Variants in HOXC11 observed in about 807,000 individuals in gnomAD.
HOXC11 encodes the protein homeobox C11.
Under a neutral mutation model 23.6 loss-of-function variants are expected in HOXC11, and 17 were observed. The ratio of observed to expected loss-of-function variants is 0.72; its 90% CI spans 0.49 to 1.08. HOXC11 has a LOEUF of 1.08. Ranked by LOEUF, HOXC11 falls within the 50% of genes least tolerant of loss-of-function variation. HOXC11 has a pLI of 0.00. For missense variants in HOXC11, 413 were observed against 412.1 expected, an observed-to-expected ratio of 1.00 and a Z score of -0.02; for synonymous variants, 196 against 183.8, an observed-to-expected ratio of 1.07 and a Z score of -0.54.
rs1209564122 is a variant in HOXC11, at chr12:53,973,808, G to C, written c.567G>C (p.Leu189=). Residue 189 remains leucine, a synonymous_variant, in exon 1 of 2, where the codon CTG becomes CTC. Coordinates refer to ENST00000546378, the MANE Select transcript of HOXC11 (RefSeq NM_014212.4). This position sits in a 1 kb window ranked among gnomAD's most constrained non-coding sequence, Gnocchi z 4.3. ...GEPEAPPASG[L]ASRAEAGAEA... is the part of the protein sequence containing the mutation. ...CCGAGGCACCCCCGGCCTCGGGACT[G>C]GCGTCCCGGGCTGAGGCGGGTGCCG... The C allele has an allele frequency of 1.3e-5, 21 of 1,559,546 alleles. No individual in the cohort carries two copies. Among genetic ancestry groups the C allele is most frequent in the Non-Finnish European group, 1.7e-5 (20 of 1,156,942 alleles).
rs369182704 is a variant in HOXC11, at chr12:53,975,265, A to T, written c.767A>T (p.Tyr256Phe). The T allele has an allele frequency of 1.2e-6, 2 of 1,613,146 alleles. No individual in the cohort carries two copies. Among genetic ancestry groups the T allele is most frequent in the African/African-American group, 1.3e-5 (1 of 74,800 alleles). ...ELEREFFFNV[Y>F]INKEKRLQLS... ...GAGCGAGAGTTTTTCTTCAACGTGTATATCAACAAAGAGAAGCGGCTGCAG... is the reference window on the plus strand; with the variant it reads ...GAGCGAGAGTTTTTCTTCAACGTGTTTATCAACAAAGAGAAGCGGCTGCAG... The change falls in exon 2 of 2, where the codon TAT (tyrosine) becomes TTT (phenylalanine). Residue 256 changes from tyrosine (Y) to phenylalanine (F), a missense_variant. Transcript: ENST00000546378.
In HOXC11 at chr12:53,973,698, C is replaced by A. The variant is rs1311222948; in HGVS notation, c.457C>A (p.Arg153Ser). Residue 153 changes from arginine (R) to serine (S), a missense_variant, in exon 1 of 2, where the codon CGT becomes AGT. Arg to Ser is a moderately radical substitution (Grantham distance 110). Coordinates refer to ENST00000546378, the MANE Select transcript of HOXC11 (RefSeq NM_014212.4). The surrounding 1 kb of genome is among the most constrained non-coding windows in gnomAD (Gnocchi z 4.3). The stretch of plus-strand genomic sequence containing the variant: ...CAGCGTCCTGCCTCAAGCCTTCGAC[C>A]GTTTCTTCGACAACGCCTACTGCGG... ...KNSVLPQAFD[R>S]FFDNAYCGGG... The A allele has an allele frequency of 9.3e-6, 15 of 1,613,686 alleles. No homozygotes were observed. Among genetic ancestry groups the A allele is most frequent in the South Asian group, 2.2e-5 (2 of 91,088 alleles).
chr12:53,975,583 C>G lies in HOXC11; in HGVS notation c.*170C>G. On this transcript the variant is annotated 3_prime_UTR_variant, in exon 2 of 2. Coordinates refer to ENST00000546378, the MANE Select transcript of HOXC11 (RefSeq NM_014212.4). Reference sequence around the variant, plus strand: ...TCCATTCCGGAACCTCCTGGACCCTCTATCTGACTCTCGCTGTGGGACAGG... The same window carrying G: ...TCCATTCCGGAACCTCCTGGACCCTGTATCTGACTCTCGCTGTGGGACAGG... 1.5e-6 allele frequency: 1 copy of G among 666,950 alleles called. No homozygotes were observed. Among genetic ancestry groups the G allele is most frequent in the Non-Finnish European group, 2.7e-6 (1 of 374,328 alleles). 41.3% of individuals were successfully genotyped at this position (666,950 alleles called of 1,614,324 possible).
intron 1 of HOXC11, 140 bp downstream of exon 1, chr12:53,974,063 A>T (rs992962178): frequency 3.1e-5 from 19 of 604,548 alleles, no homozygotes; most frequent in Non-Finnish European, 1.8e-5. Context: ...TTTTATAAGC[A>T]TTCAAAGGAT....
Position 53,975,740 on chromosome 12 carries a change from G to A in HOXC11, c.*327G>A, listed in dbSNP as rs561537771. On this transcript the variant is annotated 3_prime_UTR_variant, in exon 2 of 2. Transcript: ENST00000546378. The stretch of plus-strand genomic sequence containing the variant: ...CAATGTCTTGCTGCTCGGATTAGGT[G>A]GGGGAGGGGCGACAGTAGTGAGCGC... 64 of 534,016 alleles carry A rather than the reference G, an allele frequency of 1.2e-4. No individual in the cohort carries two copies. Among genetic ancestry groups the A allele is most frequent in the African/African-American group, 9.3e-4 (48 of 51,612 alleles). The allele number at this position is 534,016 out of a possible 1,614,324, so 33.1% of individuals were successfully genotyped here. A position where few individuals can be genotyped will look rare whatever the true frequency, so the allele number is the denominator to read the frequency against.
In HOXC11 at chr12:53,977,084, A is replaced by T. The variant is rs1371053990; in HGVS notation, c.*1671A>T. The stretch of plus-strand genomic sequence containing the variant: ...CTGATGTTTATACATTGGGTGTCCC[A>T]CAGTAGAAAGCCCCAGAGGTTTGTT... On this transcript the variant is annotated 3_prime_UTR_variant, in exon 2 of 2. Transcript: ENST00000546378. 6.6e-6 allele frequency: 1 copy of T among 152,202 alleles called. No individual in the cohort carries two copies. Among genetic ancestry groups the T allele is most frequent in the Non-Finnish European group, 1.5e-5 (1 of 68,036 alleles). The allele number at this position is 152,202 out of a possible 1,614,324, so 9.4% of individuals were successfully genotyped here. A position where few individuals can be genotyped will look rare whatever the true frequency, so the allele number is the denominator to read the frequency against.
Position 53,973,757 on chromosome 12 carries a change from C to T in HOXC11, c.516C>T (p.Ser172=). 7 of 1,612,322 alleles carry T rather than the reference C, an allele frequency of 4.3e-6. No homozygotes were observed. The highest frequency in any genetic ancestry group is 5.9e-6 in the Non-Finnish European group (7 of 1,179,528). Residue 172 remains serine, a synonymous_variant, in exon 1 of 2, where the codon TCC becomes TCT. Transcript: ENST00000546378. The surrounding 1 kb of genome is among the most constrained non-coding windows in gnomAD (Gnocchi z 4.3). ...GGDPPAEPPC[S]GKGEAKGEPE... Reference sequence around the variant, plus strand: ...ACCCGCCCGCCGAGCCCCCCTGCTCCGGCAAGGGCGAGGCCAAGGGGGAGC... The same window carrying T: ...ACCCGCCCGCCGAGCCCCCCTGCTCTGGCAAGGGCGAGGCCAAGGGGGAGC...
In HOXC11 at chr12:53,976,296, AC is replaced by A; in HGVS notation, c.*884del. 4.5e-6 allele frequency: 1 copy of A among 223,664 alleles called. No homozygotes were observed. The highest frequency in any genetic ancestry group is 6.5e-5 in the East Asian group (1 of 15,494). 13.9% of individuals were successfully genotyped at this position (223,664 alleles called of 1,614,324 possible). ...GGACGCCCCCAGTGAGATTCAAATC[AC>A]GCATCTCTACTCCTCTGCGTGAGTG... is the stretch of plus-strand genomic sequence containing the variant. On this transcript the variant is annotated 3_prime_UTR_variant, in exon 2 of 2. Transcript: ENST00000546378.
At chr12:53,974,018 C>T in intron 1 of HOXC11, 95 bp downstream of exon 1, 3 of 1,126,104 alleles carry the variant, frequency 2.7e-6, no homozygotes, top group Non-Finnish European at 3.6e-6. Context: ...GCGGGGACGG[C>T]CTCGTGTTTT....
intron 1 of HOXC11, 62 bp from the exon 2 acceptor site, chr12:53,975,119 G>T (rs893866769): frequency 1.4e-5 from 11 of 765,826 alleles, no homozygotes; most frequent in Non-Finnish European, 1.9e-5. Context: ...GGCTGGGGTC[G>T]CCCGGGTCTC....
In HOXC11 at chr12:53,976,119, C is replaced by T. The variant is rs1235990479; in HGVS notation, c.*706C>T. ...GATTTATAGCTATAGTCTATGCAGT[C>T]GTTACCTCTTTTTTTTTTTTTTTTA... On this transcript the variant is annotated 3_prime_UTR_variant, in exon 2 of 2. Coordinates refer to ENST00000546378, the MANE Select transcript of HOXC11 (RefSeq NM_014212.4). The T allele has an allele frequency of 5.1e-6, 1 of 195,012 alleles. No homozygotes were observed. The highest frequency in any genetic ancestry group is 9.6e-6 in the Non-Finnish European group (1 of 104,516). The allele number at this position is 195,012 out of a possible 1,614,324, so 12.1% of individuals were successfully genotyped here.
chr12:53,973,381 TCTC>T lies in HOXC11; in HGVS notation c.146_148del (p.Ser49del), dbSNP rs1592195788. The stretch of plus-strand genomic sequence containing the variant: ...TACTACATGCCCGAGTTCTCCACGG[TCTC>T]CTCCTTCCTGCCCCAGGCCCCCTCT... On this transcript the variant is annotated inframe_deletion, in exon 1 of 2. Coordinates refer to ENST00000546378, the MANE Select transcript of HOXC11 (RefSeq NM_014212.4). The surrounding 1 kb of genome is among the most constrained non-coding windows in gnomAD (Gnocchi z 4.3). 1.2e-6 allele frequency: 2 copies of T among 1,614,000 alleles called. No homozygotes were observed. The highest frequency in any genetic ancestry group is 1.7e-6 in the Non-Finnish European group (2 of 1,179,996).
At chr12:53,974,029 G>A in intron 1 of HOXC11, 106 bp downstream of exon 1, 1 of 906,570 alleles carries the variant, frequency 1.1e-6, no homozygotes, top group African/African-American at 1.7e-5. Context: ...CTCGTGTTTT[G>A]GGTCAGTCCG....
intron 1 of HOXC11, among the ~76,000 whole-genome samples, chr12:53,974,556 C>T (rs567906414): frequency 3.3e-5 from 5 of 152,232 alleles, no homozygotes; most frequent in South Asian, 4.1e-4. Flanking sequence ...GGCGAGGCGG[C>T]GCAGGACTCC....
rs567210111 is a variant in HOXC11 at position 53,976,266 on chromosome 12, G to A, written c.*853G>A. 7.2e-4 allele frequency: 158 copies of A among 220,604 alleles called. No homozygotes were observed. The highest frequency in any genetic ancestry group is 2.7e-3 in the African/African-American group (121 of 44,612). 13.7% of individuals were successfully genotyped at this position (220,604 alleles called of 1,614,324 possible). ...GCGTTTCTTTCCACCTGGAGGGAAAGGGGGGGACGCCCCCAGTGAGATTCA... is the reference window on the plus strand; with the variant it reads ...GCGTTTCTTTCCACCTGGAGGGAAAAGGGGGGACGCCCCCAGTGAGATTCA... On this transcript the variant is annotated 3_prime_UTR_variant, in exon 2 of 2. Coordinates refer to ENST00000546378, the MANE Select transcript of HOXC11 (RefSeq NM_014212.4).
intron 1 of HOXC11, 66 bp from the exon 2 acceptor site, chr12:53,975,115 G>A (rs1592196844): frequency 1.4e-6 from 1 of 739,300 alleles, no homozygotes; most frequent in East Asian, 2.6e-5. Flanking sequence ...AGCGGGCTGG[G>A]GTCGCCCGGG....
rs200921214 is a variant in HOXC11, at chr12:53,973,235, G to C, written c.-7G>C. ...CCTCCATCCGGAGCCGGCAGGAGAG[G>C]AGAACGATGTTTAACTCGGTCAACC... On this transcript the variant is annotated 5_prime_UTR_variant, in exon 1 of 2. Coordinates refer to ENST00000546378, the MANE Select transcript of HOXC11 (RefSeq NM_014212.4). This position sits in a 1 kb window ranked among gnomAD's most constrained non-coding sequence, Gnocchi z 4.3. 3,070 of 1,564,890 alleles carry C rather than the reference G, an allele frequency of 2.0e-3. 4 individuals carry two copies. The highest frequency in any genetic ancestry group is 2.2e-3 in the Non-Finnish European group (2,603 of 1,158,540).
At chr12:53,975,074 G>T (rs935812827) in intron 1 of HOXC11, 107 bp from the exon 2 acceptor site, 64 of 605,864 alleles carry the variant, frequency 1.1e-4, no homozygotes, top group Admixed American at 7.6e-4. Flanking sequence ...GGCTGCCCGC[G>T]GTGGGCTAGG....
intron 1 of HOXC11, among the ~76,000 whole-genome samples, chr12:53,974,526 C>G (rs1223322558): frequency 1.3e-5 from 2 of 152,108 alleles, no homozygotes; most frequent in Non-Finnish European, 2.9e-5. Context: ...ACTCTGGGGT[C>G]AGCGGCGACA....
Sources: allele counts gnomAD v4.1 joint callset (sites outside exome capture counted in the v4.1 genomes callset), GRCh38; gene constraint gnomAD v4.1.1; non-coding constraint Gnocchi (gnomAD v3.1); transcripts MANE v1.5; gene names NCBI Gene and HGNC (gene_info 2026-07-23, HGNC 2026-07-21).